MAST4: variants seen among roughly 807,000 people sequenced by gnomAD.
MAST4 encodes microtubule-associated serine/threonine-protein kinase 4.
In MAST4, 89 loss-of-function variants were observed where a neutral mutation model predicts 162.7. That is an observed-to-expected ratio of 0.55 (90% CI 0.46 to 0.65). The LOEUF (loss-of-function observed/expected upper bound fraction) is 0.65, where lower values mean the gene tolerates loss of function less well. Ranked by LOEUF, MAST4 falls within the 30% of genes least tolerant of loss-of-function variation. MAST4 has a pLI of 0.00. For missense variants in MAST4, 3,153 were observed against 3,374.0 expected, an observed-to-expected ratio of 0.93 and a Z score of 1.62; for synonymous variants, 1,479 against 1,361.1, an observed-to-expected ratio of 1.09 and a Z score of -1.91.
At chr5:66,760,900 A>G (rs1249683097) in intron 2 of MAST4, among the ~76,000 whole-genome samples, 1 of 152,220 alleles carries the variant, frequency 6.6e-6, no homozygotes, top group African/African-American at 2.4e-5. Context: ...TCTGATCGCT[A>G]TACATTATAT....
intron 1 of MAST4, among the ~76,000 whole-genome samples, chr5:66,649,908 G>A (rs1334109326): frequency 6.6e-6 from 1 of 152,072 alleles, no homozygotes; most frequent in African/African-American, 2.4e-5. Context: ...GCTATTTGGG[G>A]CATGACATTT....
intron 2 of MAST4, among the ~76,000 whole-genome samples, chr5:66,764,047 C>T (rs1753972591): frequency 6.6e-6 from 1 of 152,186 alleles, no homozygotes; most frequent in Non-Finnish European, 1.5e-5. Flanking sequence ...CCGAGTTTTT[C>T]TGTGGCATTT....
chr5:67,100,125 G>A (rs373820292), intron 7 of MAST4, among the ~76,000 whole-genome samples: 3 of 152,174 alleles, frequency 2.0e-5, no homozygotes, highest in African/African-American at 4.8e-5. Context: ...GCTCCCTAAT[G>A]TCACTCCAGT....
chr5:66,684,290 G>A, intron 1 of MAST4, among the ~76,000 whole-genome samples: 1 of 152,184 alleles, frequency 6.6e-6, no homozygotes, highest in East Asian at 1.9e-4. Flanking sequence ...AATGAAATTA[G>A]AGGAAAGGGA....
At chr5:66,664,136 T>A (rs1747086813) in intron 1 of MAST4, among the ~76,000 whole-genome samples, 4 of 152,062 alleles carry the variant, frequency 2.6e-5, no homozygotes, top group Non-Finnish European at 2.9e-5. Flanking sequence ...GAGAAGGTGC[T>A]GAAAATCAGG....
chr5:66,998,867 G>A lies in MAST4; in HGVS notation c.675-55537G>A, dbSNP rs574583381. ...GAACCCTTTCATGCAGGAGCTCTCA[G>A]GAGCACAGCCCAGTAGAGGGATATC... is the stretch of plus-strand genomic sequence containing the variant. On this transcript the variant is annotated intron_variant, in intron 4 of 28. Transcript: ENST00000403625. 7.9e-5 allele frequency among the ~76,000 whole-genome samples: 12 copies of A among 152,324 alleles called. No individual in the cohort carries two copies. In the South Asian group the frequency reaches 2.1e-3, roughly 26 times the overall value.
intron 3 of MAST4, among the ~76,000 whole-genome samples, chr5:66,889,628 A>G (rs1240056427): frequency 6.6e-6 from 1 of 152,120 alleles, no homozygotes; most frequent in Non-Finnish European, 1.5e-5. Context: ...TGGGTCACAT[A>G]CCCTTGCTCT....
At chr5:66,798,871 AT>A (rs2149692598) in intron 3 of MAST4, among the ~76,000 whole-genome samples, 1 of 152,244 alleles carries the variant, frequency 6.6e-6, no homozygotes, top group Middle Eastern at 3.4e-3. Flanking sequence ...CCTTGTTTGT[AT>A]AAGTGTAAGT....
chr5:66,999,560 C>G (rs1451312685), intron 4 of MAST4, among the ~76,000 whole-genome samples: 1 of 152,188 alleles, frequency 6.6e-6, no homozygotes, highest in African/African-American at 2.4e-5. Context: ...ATTCTCTTCC[C>G]ATTCTGGCCA....
At chr5:67,112,190 T>C (rs1766323463) in intron 11 of MAST4, among the ~76,000 whole-genome samples, 1 of 152,186 alleles carries the variant, frequency 6.6e-6, no homozygotes, top group African/African-American at 2.4e-5. Context: ...ATAACTGGGC[T>C]TTAAGTCAAT....
chr5:67,130,509 C>A, intron 15 of MAST4, 91 bp downstream of exon 15: 1 of 1,266,212 alleles, frequency 7.9e-7, no homozygotes, highest in Non-Finnish European at 1.1e-6. Flanking sequence ...CACATAATGG[C>A]TGTATCCACC....
chr5:66,786,275 T>G (rs942672997), intron 2 of MAST4, among the ~76,000 whole-genome samples: 2 of 151,922 alleles, frequency 1.3e-5, no homozygotes, highest in African/African-American at 4.8e-5. Context: ...CTCCCAAGTT[T>G]TTTTTTTTTT....
intron 1 of MAST4, among the ~76,000 whole-genome samples, chr5:66,631,607 A>G (rs1183117136): frequency 6.6e-6 from 1 of 152,082 alleles, no homozygotes; most frequent in Non-Finnish European, 1.5e-5. Context: ...AAGCTCCCCA[A>G]CAACACCCCC....
intron 3 of MAST4, among the ~76,000 whole-genome samples, chr5:66,818,725 G>A (rs903422002): frequency 6.6e-6 from 1 of 152,196 alleles, no homozygotes; most frequent in Non-Finnish European, 1.5e-5. Flanking sequence ...TGCTGCAGTG[G>A]TGATGAGAAG....
intron 4 of MAST4, among the ~76,000 whole-genome samples, chr5:66,982,040 A>T (rs115018445): frequency 2.0e-5 from 3 of 152,304 alleles, no homozygotes; most frequent in Non-Finnish European, 4.4e-5. Flanking sequence ...GAATAGGTAG[A>T]GTTGTTTGAT....
chr5:66,685,613 G>T (rs1748606533), intron 1 of MAST4, among the ~76,000 whole-genome samples: 1 of 152,014 alleles, frequency 6.6e-6, no homozygotes, highest in African/African-American at 2.4e-5. Context: ...GATTAAGTAG[G>T]TGTTTCATAG....
At chr5:66,872,679 C>T (rs578165638) in intron 3 of MAST4, among the ~76,000 whole-genome samples, 31 of 152,216 alleles carry the variant, frequency 2.0e-4, no homozygotes, top group Non-Finnish European at 3.7e-4. Context: ...AGACTAGCTT[C>T]GAATAAGTCA....
At chr5:66,970,439 G>T (rs1337003641) in intron 4 of MAST4, among the ~76,000 whole-genome samples, 1 of 152,188 alleles carries the variant, frequency 6.6e-6, no homozygotes, top group Non-Finnish European at 1.5e-5. Context: ...GAACCTAGGG[G>T]ATGAAGTCTT....
At chr5:66,940,799 C>T (rs1168227486) in intron 4 of MAST4, among the ~76,000 whole-genome samples, 2 of 151,978 alleles carry the variant, frequency 1.3e-5, no homozygotes, top group Admixed American at 1.3e-4. Flanking sequence ...GTACTTTGCC[C>T]AGATCCATTA....
Sources: gnomAD v4.1 joint callset for allele counts (sites outside exome capture counted in the v4.1 genomes callset) on GRCh38, gnomAD v4.1.1 for gene constraint, MANE v1.5 for transcripts, NCBI Gene and HGNC (gene_info 2026-07-23, HGNC 2026-07-21) for gene names.